Variants in ADARB1 observed in about 807,000 individuals in gnomAD.
ADARB1 encodes adenosine deaminase RNA specific B1, also known as double-stranded RNA-specific editase 1.
A neutral mutation model predicts 52.4 loss-of-function variants in ADARB1; 10 were observed. The ratio of observed to expected loss-of-function variants is 0.19; its 90% confidence interval spans 0.12 to 0.32. ADARB1 has a LOEUF of 0.32. Among genes scored for constraint, ADARB1 ranks in the 10% least tolerant of loss-of-function variants. The probability of loss-of-function intolerance (pLI) is 1.00; values close to 1 mark genes in which losing one functional copy is unlikely to be tolerated. For missense variants in ADARB1, 643 were observed against 922.3 expected (o/e 0.70, Z 3.92); for synonymous variants, 349 against 371.1 (o/e 0.94, Z 0.68).
rs2089794478 is a variant in ADARB1, at chr21:45,142,751, C to T, written c.-48+14178C>T. Among the ~76,000 whole-genome samples, 1 of 152,198 alleles carries T rather than the reference C, an allele frequency of 6.6e-6. No individual in the cohort carries two copies. Among genetic ancestry groups the T allele is most frequent in the Non-Finnish European group, 1.5e-5 (1 of 68,026 alleles). On this transcript the variant is annotated intron_variant, in intron 2 of 10. Coordinates refer to ENST00000348831, the MANE Select transcript of ADARB1 (RefSeq NM_001112.4). The surrounding 1 kb of genome is among the most constrained non-coding windows in gnomAD (Gnocchi z 4.0). ...AAGCGGCGTCCTTGCTTGGTCCCCC[C>T]ATGAACTCAGGGGTGTGGCCTGGCT...
At chr21:45,081,691 C>T (rs2123626940) in intron 1 of ADARB1, among the ~76,000 whole-genome samples, 1 of 152,268 alleles carries the variant, frequency 6.6e-6, no homozygotes, top group East Asian at 1.9e-4. Flanking sequence ...AAGAGGGTGG[C>T]TCCTGGTGGA....
At chr21:45,090,158 G>A (rs971206794) in intron 1 of ADARB1, among the ~76,000 whole-genome samples, 12 of 152,074 alleles carry the variant, frequency 7.9e-5, no homozygotes, top group Admixed American at 2.0e-4. Flanking sequence ...CCATATGTGC[G>A]TCTGTTGAAA....
At chr21:45,183,876 C>G (rs2092009714) in intron 7 of ADARB1, among the ~76,000 whole-genome samples, 1 of 152,120 alleles carries the variant, frequency 6.6e-6, no homozygotes. Flanking sequence ...ATTTATTTGC[C>G]TGATATTTCA....
At chr21:45,219,289 G>C (rs2092920907) in intron 9 of ADARB1, among the ~76,000 whole-genome samples, 1 of 152,204 alleles carries the variant, frequency 6.6e-6, no homozygotes, top group Non-Finnish European at 1.5e-5. Context: ...ACTTTGGGAG[G>C]CCGAGGCGGG....
At chr21:45,144,648 G>C (rs140649695) in intron 2 of ADARB1, 30 of 453,934 alleles carry the variant, frequency 6.6e-5, no homozygotes, top group African/African-American at 5.6e-4. Context: ...AAAGAAATGG[G>C]AAGAAAAAGG....
At chr21:45,117,273 G>A (rs2087882999) in intron 1 of ADARB1, among the ~76,000 whole-genome samples, 1 of 152,126 alleles carries the variant, frequency 6.6e-6, no homozygotes, top group Admixed American at 6.5e-5. Context: ...GGACTCTCTG[G>A]CTTGTCCTTG....
At chr21:45,184,159 A>G in intron 7 of ADARB1, among the ~76,000 whole-genome samples, 1 of 152,332 alleles carries the variant, frequency 6.6e-6, no homozygotes, top group Non-Finnish European at 1.5e-5. Flanking sequence ...GTAACCCAGA[A>G]ATACTCACTA....
chr21:45,109,627 T>C (rs2087444605), intron 1 of ADARB1, among the ~76,000 whole-genome samples: 1 of 151,678 alleles, frequency 6.6e-6, no homozygotes, highest in South Asian at 2.1e-4. Flanking sequence ...TGTCCCATCC[T>C]CCTGGCATGT....
chr21:45,101,392 C>T (rs2087009006), intron 1 of ADARB1, among the ~76,000 whole-genome samples: 1 of 152,240 alleles, frequency 6.6e-6, no homozygotes, highest in Admixed American at 6.5e-5. Context: ...GTGCTGGGTG[C>T]AGAGGATCTC....
chr21:45,186,121 G>T (rs558427495), intron 8 of ADARB1, among the ~76,000 whole-genome samples: 25 of 152,208 alleles, frequency 1.6e-4, no homozygotes, highest in Non-Finnish European at 3.2e-4. Context: ...GGGGGAGGGG[G>T]GTGTACTCTT....
intron 2 of ADARB1, among the ~76,000 whole-genome samples, chr21:45,153,465 G>A (rs1264048666): frequency 6.6e-6 from 1 of 151,998 alleles, no homozygotes; most frequent in African/African-American, 2.4e-5. Flanking sequence ...GTGTCTTCTG[G>A]GCGCCCCCTT....
intron 1 of ADARB1, among the ~76,000 whole-genome samples, chr21:45,127,775 C>G (rs2088682482): frequency 6.6e-6 from 1 of 152,108 alleles, no homozygotes; most frequent in African/African-American, 2.4e-5. Context: ...TGCAGACTTC[C>G]CCTTCTTTTG....
chr21:45,171,998 C>G (rs1202744284), intron 3 of ADARB1, among the ~76,000 whole-genome samples: 1 of 152,170 alleles, frequency 6.6e-6, no homozygotes, highest in Non-Finnish European at 1.5e-5. Flanking sequence ...CAGAATAATG[C>G]TCCGAGTATT....
Position 45,223,462 on chromosome 21 carries a change from G to A in ADARB1, c.*1265G>A. On this transcript the variant is annotated 3_prime_UTR_variant, in exon 11 of 11. Coordinates refer to ENST00000348831, the MANE Select transcript of ADARB1 (RefSeq NM_001112.4). The stretch of plus-strand genomic sequence containing the variant: ...GCCCTGTGTGGACCACCTCCACCAA[G>A]CTCAGAGATTTGCACCAGGTGCCTT... 3 of 985,712 alleles carry A rather than the reference G, an allele frequency of 3.0e-6. No individual in the cohort carries two copies. The highest frequency in any genetic ancestry group is 9.4e-5 in the South Asian group (2 of 21,294). 61.1% of individuals were successfully genotyped at this position (985,712 alleles called of 1,614,324 possible).
At position 45,156,359 on chromosome 21, in the gene ADARB1, C is replaced by G. The variant is rs1601650407; in HGVS notation, c.-47-15251C>G. On this transcript the variant is annotated intron_variant, in intron 2 of 10. Coordinates refer to ENST00000348831, the MANE Select transcript of ADARB1 (RefSeq NM_001112.4). The stretch of plus-strand genomic sequence containing the variant: ...ACCCATCATCCATCTATCCATCCAC[C>G]CACCCATCATCACCCATCACCCATC... Among the ~76,000 whole-genome samples the G allele has an allele frequency of 4.0e-5, 6 of 151,804 alleles. No individual in the cohort carries two copies. The East Asian group carries it at 1.2e-3, about 30-fold the overall frequency.
chr21:45,098,710 G>A (rs1308280585), intron 1 of ADARB1, among the ~76,000 whole-genome samples: 1 of 152,214 alleles, frequency 6.6e-6, no homozygotes, highest in Non-Finnish European at 1.5e-5. Flanking sequence ...TGTGGGGGAT[G>A]GCGAGTGCTA....
At chr21:45,109,492 C>T (rs2087435858) in intron 1 of ADARB1, among the ~76,000 whole-genome samples, 1 of 152,216 alleles carries the variant, frequency 6.6e-6, no homozygotes, top group African/African-American at 2.4e-5. Flanking sequence ...TCCACCTTTC[C>T]TTATCAGTCT....
At position 45,183,334 on chromosome 21, in the gene ADARB1, G is replaced by A. The variant is rs770828533; in HGVS notation, c.1248-28G>A. On this transcript the variant is annotated intron_variant, in intron 6 of 10. Coordinates refer to ENST00000348831, the MANE Select transcript of ADARB1 (RefSeq NM_001112.4). The stretch of plus-strand genomic sequence containing the variant: ...AATTTAACTATATACAGCTTTAAAT[G>A]TTACTTTTGCAACTTTTTTCCTTTC... The A allele has an allele frequency of 2.2e-4, 357 of 1,588,972 alleles. 1 individual carries two copies. Among genetic ancestry groups the A allele is most frequent in the Non-Finnish European group, 2.9e-4 (335 of 1,171,320 alleles).
Position 45,171,696 on chromosome 21 carries a change from G to A in ADARB1, c.28+12G>A, listed in dbSNP as rs1347911773. On this transcript the variant is annotated intron_variant, in intron 3 of 10. Transcript: ENST00000348831. ...TGAAGAAAACATGAGTAAGATCTAG[G>A]CCTATCACGTAGTATCAGATAGCTA... 8.7e-6 allele frequency: 14 copies of A among 1,604,882 alleles called. No individual in the cohort carries two copies. Among genetic ancestry groups the A allele is most frequent in the Non-Finnish European group, 1.2e-5 (14 of 1,176,796 alleles).
Sources: gnomAD v4.1 joint callset for allele counts (sites outside exome capture counted in the v4.1 genomes callset) on GRCh38, gnomAD v4.1.1 for gene constraint, Gnocchi (gnomAD v3.1) non-coding constraint, MANE v1.5 for transcripts, NCBI Gene and HGNC (gene_info 2026-07-23, HGNC 2026-07-21) for gene names.